DLGAP2: variants seen among roughly 807,000 people sequenced by gnomAD.
DLGAP2 encodes the protein disks large-associated protein 2.
Under a neutral mutation model 100.3 loss-of-function variants are expected in DLGAP2, and 26 were observed. The ratio of observed to expected loss-of-function variants is 0.26; its 90% CI spans 0.19 to 0.36. The LOEUF (loss-of-function observed/expected upper bound fraction) is 0.36. Ranked by LOEUF, DLGAP2 falls within the 10% of genes least tolerant of loss-of-function variation. DLGAP2 has a pLI of 1.00. For missense variants in DLGAP2, 1,858 were observed against 1,453.2 expected, an observed-to-expected ratio of 1.28 and a Z score of -4.53; for synonymous variants, 886 against 630.1, an observed-to-expected ratio of 1.41 and a Z score of -6.08.
chr8:1,523,400 G>T (rs1326240933), intron 4 of DLGAP2, among the ~76,000 whole-genome samples: 2 of 152,220 alleles, frequency 1.3e-5, no homozygotes, highest in African/African-American at 4.8e-5. Flanking sequence ...CCTCACGCCG[G>T]CCGAGCCACT....
intron 3 of DLGAP2, among the ~76,000 whole-genome samples, chr8:1,278,292 G>A (rs974768616): frequency 1.3e-5 from 2 of 152,198 alleles, no homozygotes; most frequent in African/African-American, 4.8e-5. Flanking sequence ...ATCTCTTCCA[G>A]TTGTAAGAAC....
At chr8:1,378,845 C>T (rs776513092) in intron 3 of DLGAP2, among the ~76,000 whole-genome samples, 2 of 152,180 alleles carry the variant, frequency 1.3e-5, no homozygotes, top group Non-Finnish European at 2.9e-5. Flanking sequence ...TCTGAGGAGT[C>T]TGTGCCGTCC....
At chr8:1,540,719 G>T (rs1301579523) in intron 4 of DLGAP2, among the ~76,000 whole-genome samples, 1 of 152,202 alleles carries the variant, frequency 6.6e-6, no homozygotes, top group Non-Finnish European at 1.5e-5. Flanking sequence ...GCCCAGCGTG[G>T]GCGGCCGTGA....
chr8:869,714 G>A (rs1797561519), intron 1 of DLGAP2, among the ~76,000 whole-genome samples: 1 of 152,220 alleles, frequency 6.6e-6, no homozygotes, highest in Non-Finnish European at 1.5e-5. Flanking sequence ...CGGGGATCAG[G>A]AAGTGCTTGG....
chr8:1,267,613 T>TAAAA (rs879495675), intron 3 of DLGAP2, among the ~76,000 whole-genome samples: 3 of 93,432 alleles, frequency 3.2e-5, no homozygotes, highest in Admixed American at 1.9e-4. Context: ...TAAGATAAGA[T>TAAAA]AAGATAAGAT....
At position 1,563,521 on chromosome 8, in the gene DLGAP2, T is replaced by C. The variant is rs1475609392; in HGVS notation, c.1231-2162T>C. 2.1e-5 allele frequency among the ~76,000 whole-genome samples: 3 copies of C among 142,284 alleles called. 1 individual carries two copies. Among genetic ancestry groups the C allele is most frequent in the Non-Finnish European group, 4.6e-5 (3 of 65,518 alleles). The allele number at this position is 142,284 out of a possible 152,430, so 93.3% of individuals were successfully genotyped here. On this transcript the variant is annotated intron_variant, in intron 5 of 14. Transcript: ENST00000637795. ...GTGGTGTTGGGGTGTCCGTGCCTCG[T>C]TACTGCGGGGACCGTGCAGTGTCCG...
At chr8:1,473,950 T>C (rs1346853734) in intron 3 of DLGAP2, among the ~76,000 whole-genome samples, 1 of 152,124 alleles carries the variant, frequency 6.6e-6, no homozygotes, top group African/African-American at 2.4e-5. Flanking sequence ...AATTACCCAG[T>C]CTTGTATATG....
intron 1 of DLGAP2, among the ~76,000 whole-genome samples, chr8:844,569 G>A (rs1012752267): frequency 3.3e-5 from 5 of 151,000 alleles, no homozygotes; most frequent in South Asian, 2.1e-4. Context: ...GGTAGACTAC[G>A]GTCTCTCTTG....
chr8:820,725 C>G (rs1021121643), intron 1 of DLGAP2, among the ~76,000 whole-genome samples: 3 of 152,138 alleles, frequency 2.0e-5, no homozygotes, highest in Non-Finnish European at 2.9e-5. Flanking sequence ...TGTCTAGAAA[C>G]CTATCTGCAT....
At chr8:984,041 T>C (rs7007875) in intron 2 of DLGAP2, among the ~76,000 whole-genome samples, 62,941 of 151,992 alleles carry the variant, frequency 0.41, 13,624 homozygotes, top group Admixed American at 0.55. Context: ...TCCTTGGGTG[T>C]GCGGGCGGTC....
At chr8:1,001,784 C>T (rs1800964184) in intron 2 of DLGAP2, among the ~76,000 whole-genome samples, 1 of 152,114 alleles carries the variant, frequency 6.6e-6, no homozygotes, top group African/African-American at 2.4e-5. Flanking sequence ...CCCAAATTTC[C>T]ATTACAATTT....
intron 1 of DLGAP2, among the ~76,000 whole-genome samples, chr8:815,425 A>G (rs980530355): frequency 1.3e-5 from 2 of 152,234 alleles, no homozygotes; most frequent in African/African-American, 4.8e-5. Flanking sequence ...TTTTCAGACC[A>G]TCACAGTGGT....
chr8:1,637,048 C>A (rs1185127148), intron 8 of DLGAP2, among the ~76,000 whole-genome samples: 2 of 152,218 alleles, frequency 1.3e-5, no homozygotes, highest in Non-Finnish European at 1.5e-5. Context: ...AGGAGGAATA[C>A]CCGTCTGGCC....
chr8:1,198,412 C>A (rs1439999210), intron 2 of DLGAP2, among the ~76,000 whole-genome samples: 3 of 152,116 alleles, frequency 2.0e-5, no homozygotes, highest in Admixed American at 2.0e-4. Context: ...GACCTTGTGT[C>A]CTGGGTGTGC....
At chr8:861,085 G>C (rs111716442) in intron 1 of DLGAP2, among the ~76,000 whole-genome samples, 77 of 152,244 alleles carry the variant, frequency 5.1e-4, no homozygotes, top group African/African-American at 1.7e-3. Context: ...AGGGAGTGGG[G>C]CAGTGAGGTG....
At chr8:796,271 C>T (rs1280729445) in intron 1 of DLGAP2, among the ~76,000 whole-genome samples, 1 of 152,126 alleles carries the variant, frequency 6.6e-6, no homozygotes, top group Non-Finnish European at 1.5e-5. Context: ...TGACTCTGGT[C>T]CCGGGATCCC....
chr8:993,787 C>CTTTT (rs534659471), intron 2 of DLGAP2, among the ~76,000 whole-genome samples: 6 of 64,156 alleles, frequency 9.4e-5, no homozygotes, highest in South Asian at 8.8e-4. Flanking sequence ...AACTGATTGG[C>CTTTT]TTTTTTTTTT....
At chr8:1,679,705 G>C (rs540432975) in intron 12 of DLGAP2, among the ~76,000 whole-genome samples, 20 of 152,214 alleles carry the variant, frequency 1.3e-4, no homozygotes, top group Admixed American at 2.0e-4. Context: ...GTTCAGGCCA[G>C]GCACGGTGGC....
intron 2 of DLGAP2, among the ~76,000 whole-genome samples, chr8:972,039 C>G (rs1015643029): frequency 6.6e-6 from 1 of 152,162 alleles, no homozygotes; most frequent in Non-Finnish European, 1.5e-5. Flanking sequence ...TTGCTAGATT[C>G]AGGTCCTATT....
Sources: gnomAD v4.1 joint callset for allele counts (sites outside exome capture counted in the v4.1 genomes callset) on GRCh38, gnomAD v4.1.1 for gene constraint, MANE v1.5 for transcripts, NCBI Gene and HGNC (gene_info 2026-07-23, HGNC 2026-07-21) for gene names.